Variants in FBLIM1 observed in about 807,000 individuals in gnomAD.
The protein encoded by FBLIM1 is filamin binding LIM protein 1, also known as filamin-binding LIM protein 1.
In FBLIM1, 29 loss-of-function variants were observed where a neutral mutation model predicts 37.4. That is an observed-to-expected ratio of 0.77 (90% CI 0.58 to 1.06). The LOEUF is 1.06. Among genes scored for constraint, FBLIM1 ranks in the 50% least tolerant of loss-of-function variants. The pLI is 0.00. For missense variants in FBLIM1, 449 were observed against 505.6 expected, an observed-to-expected ratio of 0.89 and a Z score of 1.07; for synonymous variants, 193 against 199.0, an observed-to-expected ratio of 0.97 and a Z score of 0.25.
intron 5 of FBLIM1, among the ~76,000 whole-genome samples, chr1:15,770,189 C>T (rs1487608248): frequency 9.2e-5 from 14 of 152,046 alleles, no homozygotes; most frequent in East Asian, 1.9e-4. Flanking sequence ...TCAAGTGATC[C>T]GCTCACCTTG....
rs935106820 is a variant in FBLIM1 at position 15,767,275 on chromosome 1, C to T, written c.251-101C>T. ...GAACCCAGGCCGGGGTGATCCCGAC[C>T]GGGGCCCTCAGCTTCCCTCTGTATG... On this transcript the variant is annotated intron_variant, in intron 3 of 8. Coordinates refer to ENST00000375766, the MANE Select transcript of FBLIM1 (RefSeq NM_017556.4). 6 of 1,091,742 alleles carry T rather than the reference C, an allele frequency of 5.5e-6. No individual in the cohort carries two copies. The Admixed American group carries it at 1.1e-4, about 21-fold the overall frequency. 67.6% of individuals were successfully genotyped at this position (1,091,742 alleles called of 1,614,324 possible). A position where few individuals can be genotyped will look rare whatever the true frequency, so the allele number is the denominator to read the frequency against.
Position 15,774,557 on chromosome 1 carries a change from C to T in FBLIM1, c.712-61C>T, listed in dbSNP as rs990643114. The T allele has an allele frequency of 3.6e-5, 56 of 1,544,640 alleles. 1 individual carries two copies. The highest frequency in any genetic ancestry group is 3.5e-4 in the Middle Eastern group (2 of 5,764). ...CTGAGGGCAGCCTCTCAGAAGAAGA[C>T]GACCCTCGTGGGTTGGGGTGGGTGT... On this transcript the variant is annotated intron_variant, in intron 6 of 8. Transcript: ENST00000375766.
chr1:15,779,875 T>TTTTG (rs1158406777), intron 8 of FBLIM1, among the ~76,000 whole-genome samples: 2 of 151,968 alleles, frequency 1.3e-5, no homozygotes, highest in Admixed American at 6.6e-5. Context: ...AATTCTTGAT[T>TTTTG]TTTGTTTGTT....
intron 8 of FBLIM1, among the ~76,000 whole-genome samples, chr1:15,780,880 A>C (rs1366474643): frequency 6.6e-6 from 1 of 152,194 alleles, no homozygotes; most frequent in African/African-American, 2.4e-5. Context: ...AGTCCTGCTG[A>C]TAATGCATTT....
intron 1 of FBLIM1, among the ~76,000 whole-genome samples, chr1:15,763,619 G>T (rs2068782853): frequency 6.6e-6 from 1 of 151,314 alleles, no homozygotes; most frequent in Admixed American, 6.6e-5. Flanking sequence ...CTGGGCAACA[G>T]AGCAAGATTC....
chr1:15,768,388 C>A (rs1168978481), intron 4 of FBLIM1, 140 bp from the exon 5 acceptor site: 2 of 533,560 alleles, frequency 3.7e-6, no homozygotes, highest in African/African-American at 3.9e-5. Flanking sequence ...GAGACTTACG[C>A]AGGTCCCTTG....
chr1:15,782,454 A>G (rs1198263137), intron 8 of FBLIM1, among the ~76,000 whole-genome samples: 1 of 151,624 alleles, frequency 6.6e-6, no homozygotes, highest in Non-Finnish European at 1.5e-5. Context: ...AGTCTCAGAA[A>G]AGTGGTTCCA....
At chr1:15,782,338 G>C (rs1480732136) in intron 8 of FBLIM1, among the ~76,000 whole-genome samples, 2 of 151,756 alleles carry the variant, frequency 1.3e-5, no homozygotes, top group South Asian at 4.2e-4. Flanking sequence ...AGCCTGACAG[G>C]TGGAGGCTGC....
At chr1:15,776,294 T>C in intron 7 of FBLIM1, among the ~76,000 whole-genome samples, 1 of 151,910 alleles carries the variant, frequency 6.6e-6, no homozygotes, top group East Asian at 1.9e-4. Flanking sequence ...ATAAATATAA[T>C]GTCACAGGCA....
chr1:15,767,314 G>A (rs945039150), intron 3 of FBLIM1, 62 bp from the exon 4 acceptor site: 2 of 1,472,182 alleles, frequency 1.4e-6, no homozygotes, highest in Non-Finnish European at 1.8e-6. Flanking sequence ...ATGTAGGTAA[G>A]TAAAACCCTC....
Position 15,784,681 on chromosome 1 carries a change from A to G in FBLIM1, c.*20A>G, listed in dbSNP as rs1208145151. ...TGCTGAGAGTGCCCGCTGGGCAGTG[A>G]ACAGACCACTAGCCCCGGCTGGGGC... is the stretch of plus-strand genomic sequence containing the variant. On this transcript the variant is annotated 3_prime_UTR_variant, in exon 9 of 9. Coordinates refer to ENST00000375766, the MANE Select transcript of FBLIM1 (RefSeq NM_017556.4). The G allele has an allele frequency of 1.9e-6, 3 of 1,605,032 alleles. No homozygotes were observed. The highest frequency in any genetic ancestry group is 2.6e-6 in the Non-Finnish European group (3 of 1,172,524).
At chr1:15,762,842 C>A (rs1475541463) in intron 1 of FBLIM1, among the ~76,000 whole-genome samples, 1 of 152,226 alleles carries the variant, frequency 6.6e-6, no homozygotes, top group Admixed American at 6.5e-5. Context: ...GAAACTGCCC[C>A]TGGAGAGGGC....
At chr1:15,771,250 T>G (rs6658113) in intron 6 of FBLIM1, among the ~76,000 whole-genome samples, 298 of 16,026 alleles carry the variant, frequency 0.019, no homozygotes, top group East Asian at 0.089. Context: ...TTTTTTTTTG[T>G]TTTTTTTTTT....
At position 15,768,609 on chromosome 1, in the gene FBLIM1, G is replaced by T. The variant is rs75390903; in HGVS notation, c.520G>T (p.Val174Phe). The stretch of plus-strand genomic sequence containing the variant: ...GCTGCCACCTCCCCCGGCAGAACCT[G>T]TTGAGAAAGGGGCATCCACAGGTAG... ...EELPPPPAEP[V>F]EKGASTDICA... The change falls in exon 5 of 9, where the codon GTT becomes TTT. Residue 174 changes from valine (V) to phenylalanine (F), a missense_variant. Coordinates refer to ENST00000375766, the MANE Select transcript of FBLIM1 (RefSeq NM_017556.4). 1.2e-6 allele frequency: 2 copies of T among 1,612,002 alleles called. No homozygotes were observed. The highest frequency in any genetic ancestry group is 1.3e-5 in the African/African-American group (1 of 74,944).
At chr1:15,781,259 G>A (rs778851596) in intron 8 of FBLIM1, among the ~76,000 whole-genome samples, 59 of 152,086 alleles carry the variant, frequency 3.9e-4, no homozygotes, top group Non-Finnish European at 7.8e-4. Context: ...TCGGGAGGGT[G>A]AGTCAGGGGA....
chr1:15,773,680 A>AG (rs1209710860), intron 6 of FBLIM1, among the ~76,000 whole-genome samples: 13 of 68,436 alleles, frequency 1.9e-4, no homozygotes, highest in African/African-American at 5.5e-4. Context: ...ACTCCGTCTC[A>AG]GAAAAAAAAA....
intron 1 of FBLIM1, among the ~76,000 whole-genome samples, chr1:15,761,115 G>A (rs929267390): frequency 6.6e-6 from 1 of 152,164 alleles, no homozygotes; most frequent in African/African-American, 2.4e-5. Flanking sequence ...GTGTAGGAAG[G>A]GTCAGGGCTG....
chr1:15,777,224 G>A lies in FBLIM1; in HGVS notation c.945G>A (p.Gly315=), dbSNP rs778266963. The A allele has an allele frequency of 6.8e-6, 11 of 1,613,260 alleles. 1 individual carries two copies. The highest frequency in any genetic ancestry group is 5.0e-5 in the Admixed American group (3 of 59,906). Reference sequence around the variant, plus strand: ...AAAATCCCATCATCCCTCGGGATGGGAAAGATGCCTTCAAAATCGAATGCA... The same window carrying A: ...AAAATCCCATCATCCCTCGGGATGGAAAAGATGCCTTCAAAATCGAATGCA... The part of the protein sequence containing the change: ...ICENPIIPRD[G]KDAFKIECMG... Residue 315 remains glycine (G), a synonymous_variant, in exon 8 of 9, where the codon GGG becomes GGA. Coordinates refer to ENST00000375766, the MANE Select transcript of FBLIM1 (RefSeq NM_017556.4).
At chr1:15,780,388 T>C (rs537926521) in intron 8 of FBLIM1, among the ~76,000 whole-genome samples, 129 of 152,026 alleles carry the variant, frequency 8.5e-4, no homozygotes, top group African/African-American at 3.0e-3. Flanking sequence ...TTAGTAGAGA[T>C]GGGGTTTCGC....
Sources: allele counts gnomAD v4.1 joint callset (sites outside exome capture counted in the v4.1 genomes callset), GRCh38; gene constraint gnomAD v4.1.1; transcripts MANE v1.5; gene names NCBI Gene and HGNC (gene_info 2026-07-23, HGNC 2026-07-21).